Variants in TAMM41 observed in about 807,000 individuals in gnomAD.
TAMM41 encodes the protein phosphatidate cytidylyltransferase, mitochondrial.
TAMM41 carries 36 observed loss-of-function variants against 44.1 expected under a neutral mutation model. The observed-to-expected ratio is 0.82, with a 90% CI of 0.63 to 1.08. The LOEUF (loss-of-function observed/expected upper bound fraction) is 1.08, where lower values mean the gene tolerates loss of function less well. Ranked by LOEUF, TAMM41 falls within the 50% of genes least tolerant of loss-of-function variation. TAMM41 has a pLI of 0.00. For synonymous variants in TAMM41, 164 were observed against 153.1 expected (o/e 1.07, Z -0.53); for missense variants, 417 against 404.3 (o/e 1.03, Z -0.27).
chr3:11,787,676 G>A (rs112701911), downstream of TAMM41, among the ~76,000 whole-genome samples: 4 of 152,134 alleles, frequency 2.6e-5, no homozygotes, highest in African/African-American at 7.2e-5. Flanking sequence ...GGTAATTTAC[G>A]TTATGTCATT....
At chr3:11,833,088 C>T (rs1223801135) in intron 3 of TAMM41, 5 of 1,274,748 alleles carry the variant, frequency 3.9e-6, no homozygotes, top group Non-Finnish European at 5.1e-6. Flanking sequence ...CTTGTCTCAG[C>T]AGCACTGTTA....
intron 3 of TAMM41, among the ~76,000 whole-genome samples, chr3:11,837,339 G>A (rs1270608143): frequency 2.6e-5 from 4 of 151,904 alleles, no homozygotes; most frequent in Middle Eastern, 3.4e-3. Context: ...ATTAGCAACT[G>A]TAAATATTTA....
Position 11,813,852 on chromosome 3 carries a change from GTGTGTA to G in TAMM41, c.708+3334_708+3339del, listed in dbSNP as rs1408184064. On this transcript the variant is annotated intron_variant, in intron 5 of 7. Transcript: ENST00000455809. ...TATGTGTGTGTGTGTGTGTGTGTGT[GTGTGTA>G]TGTATGTATATATATGTATATATGT... 5.7e-3 allele frequency among the ~76,000 whole-genome samples: 847 copies of G among 147,628 alleles called. 1 individual carries two copies. Among genetic ancestry groups the G allele is most frequent in the Middle Eastern group, 0.024 (7 of 292 alleles).
At chr3:11,839,150 C>T in intron 3 of TAMM41, 72 bp downstream of exon 3, 1 of 913,592 alleles carries the variant, frequency 1.1e-6, no homozygotes, top group Non-Finnish European at 1.7e-6. Context: ...TCATTGCAAT[C>T]ACAATGATCA....
chr3:11,783,647 G>C, the TAMM41 span, among the ~76,000 whole-genome samples: 92 of 152,340 alleles, frequency 6.0e-4, no homozygotes, highest in African/African-American at 2.1e-3. Context: ...ATAACTCCAA[G>C]AGACAGTTAT....
At chr3:11,775,450 A>G in the TAMM41 span, among the ~76,000 whole-genome samples, 1 of 152,226 alleles carries the variant, frequency 6.6e-6, no homozygotes. Context: ...CAAGGTGGCC[A>G]GGACCTAGCC....
intron 7 of TAMM41, among the ~76,000 whole-genome samples, chr3:11,796,644 A>G (rs905937209): frequency 1.3e-5 from 2 of 152,198 alleles, no homozygotes; most frequent in African/African-American, 4.8e-5. Flanking sequence ...ATGACATACG[A>G]GCTGGCTGAA....
chr3:11,826,500 G>C (rs1047930017), intron 4 of TAMM41, among the ~76,000 whole-genome samples: 3 of 128,320 alleles, frequency 2.3e-5, no homozygotes, highest in African/African-American at 9.3e-5. Context: ...CTGCACTCTA[G>C]CTTGGGCGAC....
At chr3:11,747,343 T>A in the TAMM41 span, among the ~76,000 whole-genome samples, 1 of 152,170 alleles carries the variant, frequency 6.6e-6, no homozygotes, top group Non-Finnish European at 1.5e-5. Context: ...ATTACAGGCA[T>A]GAGCCACCAT....
At chr3:11,767,757 C>T in the TAMM41 span, among the ~76,000 whole-genome samples, 1 of 151,096 alleles carries the variant, frequency 6.6e-6, no homozygotes, top group Non-Finnish European at 1.5e-5. Flanking sequence ...ACCTCAGTGC[C>T]TGGGATTACA....
chr3:11,843,119 G>C (rs920164048), intron 2 of TAMM41, among the ~76,000 whole-genome samples: 1 of 152,132 alleles, frequency 6.6e-6, no homozygotes. Context: ...TGACACACAT[G>C]CTCTCAATCA....
the TAMM41 span, among the ~76,000 whole-genome samples, chr3:11,783,727 T>C: frequency 1.3e-5 from 2 of 152,190 alleles, no homozygotes; most frequent in African/African-American, 4.8e-5. Context: ...AGCTGTGGTA[T>C]GGTATAGAGA....
intron 7 of TAMM41, among the ~76,000 whole-genome samples, chr3:11,791,483 G>A (rs2077476115): frequency 6.6e-6 from 1 of 152,150 alleles, no homozygotes. Flanking sequence ...TGTTGAGGGT[G>A]GGATCATTCA....
At chr3:11,804,968 C>T (rs1301546409) in intron 7 of TAMM41, among the ~76,000 whole-genome samples, 2 of 146,346 alleles carry the variant, frequency 1.4e-5, no homozygotes, top group African/African-American at 5.0e-5. Flanking sequence ...GGGCTCAGGA[C>T]TACGGGCGCG....
chr3:11,728,130 CA>C, the TAMM41 span, among the ~76,000 whole-genome samples: 8 of 150,442 alleles, frequency 5.3e-5, no homozygotes, highest in African/African-American at 1.7e-4. Flanking sequence ...GCAACTATTT[CA>C]AAAAAAAAGA....
At chr3:11,733,490 T>C in the TAMM41 span, among the ~76,000 whole-genome samples, 1,379 of 151,172 alleles carry the variant, frequency 9.1e-3, 21 homozygotes, top group African/African-American at 0.031. Context: ...TTTGGGGGTG[T>C]CCTGAGATTT....
the TAMM41 span, among the ~76,000 whole-genome samples, chr3:11,745,763 C>A: frequency 6.6e-6 from 1 of 152,052 alleles, no homozygotes; most frequent in African/African-American, 2.4e-5. Flanking sequence ...GGTGGTGATA[C>A]GGGCATAGCT....
At chr3:11,774,490 T>TA in the TAMM41 span, among the ~76,000 whole-genome samples, 3 of 152,148 alleles carry the variant, frequency 2.0e-5, no homozygotes, top group African/African-American at 7.2e-5. Flanking sequence ...GCACTTTCCG[T>TA]AAAACAGCCA....
At chr3:11,798,987 G>T (rs992349640) in intron 7 of TAMM41, among the ~76,000 whole-genome samples, 5 of 152,090 alleles carry the variant, frequency 3.3e-5, no homozygotes, top group African/African-American at 4.8e-5. Flanking sequence ...GGCTGAGGTG[G>T]GAGGATCACT....
Sources: allele counts gnomAD v4.1 joint callset (sites outside exome capture counted in the v4.1 genomes callset), GRCh38; gene constraint gnomAD v4.1.1; transcripts MANE v1.5; gene names NCBI Gene and HGNC (gene_info 2026-07-23, HGNC 2026-07-21).